Variants in AUTS2 observed in about 807,000 individuals in gnomAD.
AUTS2 encodes autism susceptibility gene 2 protein.
AUTS2 carries 17 observed loss-of-function variants against 112.4 expected under a neutral mutation model. The ratio of observed to expected loss-of-function variants is 0.15; its 90% CI spans 0.10 to 0.23. The LOEUF (loss-of-function observed/expected upper bound fraction) is 0.23. Ranked by LOEUF, AUTS2 falls within the 10% of genes least tolerant of loss-of-function variation. AUTS2 has a pLI of 1.00. For missense variants in AUTS2, 1,510 were observed against 1,701.6 expected, an observed-to-expected ratio of 0.89 and a Z score of 1.98; for synonymous variants, 751 against 702.7, an observed-to-expected ratio of 1.07 and a Z score of -1.09.
At chr7:70,105,210 T>C (rs181211612) in intron 2 of AUTS2, among the ~76,000 whole-genome samples, 4 of 152,270 alleles carry the variant, frequency 2.6e-5, no homozygotes, top group Non-Finnish European at 5.9e-5. Context: ...ATTTAATTTA[T>C]AGCATTTTTT....
At chr7:69,855,174 G>C (rs1792663563) in intron 1 of AUTS2, among the ~76,000 whole-genome samples, 1 of 152,346 alleles carries the variant, frequency 6.6e-6, no homozygotes, top group East Asian at 1.9e-4. Context: ...CAATGTACGT[G>C]ATGGACCTAG....
chr7:70,179,905 G>A (rs1809206988), intron 4 of AUTS2, among the ~76,000 whole-genome samples: 1 of 152,176 alleles, frequency 6.6e-6, no homozygotes, highest in Admixed American at 6.5e-5. Context: ...TAAGCCTTTT[G>A]TGTAATTCCC....
intron 4 of AUTS2, among the ~76,000 whole-genome samples, chr7:70,304,515 G>A (rs1250910797): frequency 6.6e-6 from 1 of 152,098 alleles, no homozygotes; most frequent in African/African-American, 2.4e-5. Flanking sequence ...GATGTAGTAG[G>A]GGGTCTGAAG....
chr7:69,702,282 TC>T (rs1293559468), intron 1 of AUTS2, among the ~76,000 whole-genome samples: 1 of 152,148 alleles, frequency 6.6e-6, no homozygotes, highest in Non-Finnish European at 1.5e-5. Context: ...TGCAATATCT[TC>T]CTGGGAAACA....
At chr7:70,244,784 GT>G (rs1812808587) in intron 4 of AUTS2, among the ~76,000 whole-genome samples, 2 of 152,062 alleles carry the variant, frequency 1.3e-5, no homozygotes, top group Non-Finnish European at 2.9e-5. Flanking sequence ...CCTTTTCTTT[GT>G]CTTTGAACTG....
At chr7:69,686,525 A>G (rs1382063481) in intron 1 of AUTS2, among the ~76,000 whole-genome samples, 1 of 152,186 alleles carries the variant, frequency 6.6e-6, no homozygotes, top group Non-Finnish European at 1.5e-5. Flanking sequence ...GAGATTTGCA[A>G]TTTCCAAGGA....
intron 2 of AUTS2, among the ~76,000 whole-genome samples, chr7:70,083,815 T>C (rs976173568): frequency 2.0e-5 from 3 of 152,020 alleles, no homozygotes; most frequent in African/African-American, 7.2e-5. Flanking sequence ...GGTATGTTGG[T>C]TCGTATCTGT....
At chr7:69,832,887 T>C (rs1389063953) in intron 1 of AUTS2, among the ~76,000 whole-genome samples, 1 of 152,150 alleles carries the variant, frequency 6.6e-6, no homozygotes, top group African/African-American at 2.4e-5. Flanking sequence ...AAGAGGAATT[T>C]TGAGGAGAAA....
chr7:69,665,047 A>G (rs193229726), intron 1 of AUTS2, among the ~76,000 whole-genome samples: 5 of 152,284 alleles, frequency 3.3e-5, no homozygotes, highest in Admixed American at 3.3e-4. Context: ...ACCACATCCC[A>G]TTTTGCAAAT....
intron 1 of AUTS2, among the ~76,000 whole-genome samples, chr7:69,619,361 A>G (rs1425118194): frequency 6.6e-6 from 1 of 152,122 alleles, no homozygotes; most frequent in African/African-American, 2.4e-5. Context: ...AGTGTTTGAG[A>G]TGAGTGAAAG....
At chr7:70,734,102 G>A (rs532075224) in intron 6 of AUTS2, among the ~76,000 whole-genome samples, 5 of 152,090 alleles carry the variant, frequency 3.3e-5, no homozygotes, top group Admixed American at 2.0e-4. Context: ...CCGACAGCCC[G>A]CTGCATGCGC....
At chr7:69,852,742 C>A (rs540603694) in intron 1 of AUTS2, among the ~76,000 whole-genome samples, 1 of 152,118 alleles carries the variant, frequency 6.6e-6, no homozygotes, top group East Asian at 1.9e-4. Context: ...TGTGAGCCAC[C>A]GTGCCCGGCC....
intron 5 of AUTS2, among the ~76,000 whole-genome samples, chr7:70,591,375 T>A (rs2129528474): frequency 6.8e-6 from 1 of 146,250 alleles, no homozygotes; most frequent in South Asian, 2.1e-4. Context: ...AGCAACGGGT[T>A]TACCCAGTCT....
chr7:70,714,758 T>C (rs1404012710), intron 6 of AUTS2, among the ~76,000 whole-genome samples: 2 of 152,242 alleles, frequency 1.3e-5, no homozygotes, highest in Non-Finnish European at 2.9e-5. Flanking sequence ...TAAATGGAAG[T>C]TGGCCGTAAA....
chr7:69,961,889 C>T (rs925492990), intron 2 of AUTS2, among the ~76,000 whole-genome samples: 1 of 152,042 alleles, frequency 6.6e-6, no homozygotes, highest in African/African-American at 2.4e-5. Flanking sequence ...TAAGAAAACT[C>T]ATACAACCTC....
At chr7:69,693,658 A>G (rs1479807611) in intron 1 of AUTS2, among the ~76,000 whole-genome samples, 1 of 152,154 alleles carries the variant, frequency 6.6e-6, no homozygotes, top group African/African-American at 2.4e-5. Context: ...CTGTGATATC[A>G]TATCTCTCTC....
intron 4 of AUTS2, among the ~76,000 whole-genome samples, chr7:70,413,488 A>G (rs969045180): frequency 6.6e-6 from 1 of 152,202 alleles, no homozygotes; most frequent in African/African-American, 2.4e-5. Context: ...AGGGGTGACA[A>G]TGTTTCCTAC....
rs1333224405 is a variant in AUTS2, at chr7:70,792,564, G to A, written c.*1568G>A. On this transcript the variant is annotated 3_prime_UTR_variant, in exon 19 of 19. Transcript: ENST00000342771. ...GAGAGATCTATTTTAGTAGTAAACT[G>A]AAGGTTTAGTTGTGAGCTTCAGATT... The A allele has an allele frequency of 1.4e-5, 2 of 147,516 alleles. No individual in the cohort carries two copies. Among genetic ancestry groups the A allele is most frequent in the African/African-American group, 5.0e-5 (2 of 40,370 alleles). 9.1% of individuals were successfully genotyped at this position (147,516 alleles called of 1,614,324 possible).
intron 1 of AUTS2, among the ~76,000 whole-genome samples, chr7:69,744,617 G>T (rs1584174856): frequency 6.6e-6 from 1 of 151,074 alleles, no homozygotes; most frequent in East Asian, 1.9e-4. Context: ...AGTATTGCTT[G>T]AGCTCAGGAC....
Sources: gnomAD v4.1 joint callset for allele counts (sites outside exome capture counted in the v4.1 genomes callset) on GRCh38, gnomAD v4.1.1 for gene constraint, MANE v1.5 for transcripts, NCBI Gene and HGNC (gene_info 2026-07-23, HGNC 2026-07-21) for gene names.